MARCHF3: variants seen among roughly 807,000 people sequenced by gnomAD.
MARCHF3 encodes the protein membrane associated ring-CH-type finger 3, also known as E3 ubiquitin-protein ligase MARCHF3.
In MARCHF3, 13 loss-of-function variants were observed where a neutral mutation model predicts 24.2. That is an observed-to-expected ratio of 0.54 (90% confidence interval 0.35 to 0.85). The LOEUF (loss-of-function observed/expected upper bound fraction) is 0.85, where lower values mean the gene tolerates loss of function less well. Among genes scored for constraint, MARCHF3 ranks in the 40% least tolerant of loss-of-function variants. MARCHF3 has a pLI of 0.01. For synonymous variants in MARCHF3, 144 were observed against 137.3 expected (o/e 1.05, Z -0.34); for missense variants, 276 against 325.0 (o/e 0.85, Z 1.16).
chr5:126,870,881 A>C (rs1752944373), intron 4 of MARCHF3, 90 bp from the exon 5 acceptor site: 1 of 1,503,766 alleles, frequency 6.6e-7, no homozygotes, highest in African/African-American at 1.4e-5. Flanking sequence ...CATTTGAAAG[A>C]GCTTCAAAGA....
intron 1 of MARCHF3, among the ~76,000 whole-genome samples, chr5:126,947,874 G>A (rs1750084300): frequency 6.6e-6 from 1 of 152,016 alleles, no homozygotes; most frequent in South Asian, 2.1e-4. Context: ...CTCCCACGTG[G>A]GTTTGGGAGG....
chr5:126,870,617 AC>A lies in MARCHF3; in HGVS notation c.*15del. On this transcript the variant is annotated 3_prime_UTR_variant, in exon 5 of 5. Coordinates refer to ENST00000308660, the MANE Select transcript of MARCHF3 (RefSeq NM_178450.5). ...CCCCAAACAATGAATCAAACAACCA[AC>A]CAACCATACAAACATCAAACAACTG... 6.2e-7 allele frequency: 1 copy of A among 1,613,266 alleles called. No homozygotes were observed. Among genetic ancestry groups the A allele is most frequent in the Non-Finnish European group, 8.5e-7 (1 of 1,179,420 alleles).
At chr5:126,917,894 A>G in intron 2 of MARCHF3, 90 bp downstream of exon 2, 1 of 1,324,438 alleles carries the variant, frequency 7.6e-7, no homozygotes, top group Admixed American at 2.3e-5. Context: ...CAAAGACCTG[A>G]GCACTAATTA....
In MARCHF3 at chr5:126,925,675, C is replaced by T. The variant is rs73783497; in HGVS notation, c.-56-7448G>A. ...GTAAATAACAACTGGCTCCTACACACGGAGCCCCACTGAGCTGAGGGAGGG... is the reference window on the plus strand; with the variant it reads ...GTAAATAACAACTGGCTCCTACACATGGAGCCCCACTGAGCTGAGGGAGGG... On this transcript the variant is annotated intron_variant, in intron 1 of 4. Coordinates refer to ENST00000308660, the MANE Select transcript of MARCHF3 (RefSeq NM_178450.5). 2.4e-3 allele frequency among the ~76,000 whole-genome samples: 362 copies of T among 152,292 alleles called. 3 individuals are homozygous for T. The highest frequency in any genetic ancestry group is 8.4e-3 in the African/African-American group (350 of 41,558).
intron 3 of MARCHF3, among the ~76,000 whole-genome samples, chr5:126,908,160 C>T (rs1311305902): frequency 6.6e-6 from 1 of 152,218 alleles, no homozygotes; most frequent in Non-Finnish European, 1.5e-5. Context: ...CCACCCTCTT[C>T]TGGCTTGTAG....
At chr5:126,990,148 AC>A (rs1266231242) in intron 1 of MARCHF3, among the ~76,000 whole-genome samples, 1 of 145,390 alleles carries the variant, frequency 6.9e-6, no homozygotes, top group Non-Finnish European at 1.5e-5. Context: ...TTCAAACTAT[AC>A]TACAAGGCTA....
At chr5:126,942,873 G>C (rs1749880451) in intron 1 of MARCHF3, among the ~76,000 whole-genome samples, 1 of 152,180 alleles carries the variant, frequency 6.6e-6, no homozygotes, top group Non-Finnish European at 1.5e-5. Flanking sequence ...TATCACTACT[G>C]TATTAACAGC....
At chr5:127,004,586 C>T (rs1025977647) in intron 1 of MARCHF3, among the ~76,000 whole-genome samples, 1 of 151,994 alleles carries the variant, frequency 6.6e-6, no homozygotes, top group Non-Finnish European at 1.5e-5. Context: ...TTTATTATTC[C>T]CTGTTTTCTT....
rs191662638 is a variant in MARCHF3 at position 126,990,644 on chromosome 5, T to C, written c.-57+39706A>G. ...AATGGGAGAAAATTTTTGCAATCTATCCATCTGACAAAGGGCTAATATCCA... is the reference window on the plus strand; with the variant it reads ...AATGGGAGAAAATTTTTGCAATCTACCCATCTGACAAAGGGCTAATATCCA... On this transcript the variant is annotated intron_variant, in intron 1 of 4. Transcript: ENST00000308660. Among the ~76,000 whole-genome samples the C allele has an allele frequency of 3.3e-5, 5 of 152,180 alleles. No individual in the cohort carries two copies. In the East Asian group the frequency reaches 5.8e-4, roughly 18 times the overall value.
intron 1 of MARCHF3, among the ~76,000 whole-genome samples, chr5:127,008,868 A>C (rs1027552960): frequency 1.6e-4 from 24 of 149,170 alleles, no homozygotes; most frequent in Non-Finnish European, 4.5e-5. Flanking sequence ...AGGAGACGTT[A>C]TCTCTTTAAA....
At chr5:126,961,431 C>A (rs902064585) in intron 1 of MARCHF3, among the ~76,000 whole-genome samples, 1 of 152,060 alleles carries the variant, frequency 6.6e-6, no homozygotes, top group Admixed American at 6.6e-5. Context: ...CAGAAGCAAC[C>A]ACCATAAGGC....
chr5:126,933,646 G>C (rs972760401), intron 1 of MARCHF3, among the ~76,000 whole-genome samples: 1 of 151,938 alleles, frequency 6.6e-6, no homozygotes, highest in African/African-American at 2.4e-5. Flanking sequence ...GGGTTTCACC[G>C]TGTTAGCCAG....
intron 1 of MARCHF3, among the ~76,000 whole-genome samples, chr5:127,028,987 G>A (rs934979667): frequency 1.4e-4 from 21 of 152,202 alleles, no homozygotes; most frequent in African/African-American, 5.1e-4. Flanking sequence ...GCGGCTGCTG[G>A]GCTGTAAAAC....
intron 3 of MARCHF3, among the ~76,000 whole-genome samples, chr5:126,885,341 G>T (rs1753474691): frequency 6.6e-6 from 1 of 152,190 alleles, no homozygotes; most frequent in African/African-American, 2.4e-5. Flanking sequence ...GCTGAGGCAG[G>T]TGGATCGTCT....
chr5:126,901,003 GACC>G (rs1754086970), intron 3 of MARCHF3, among the ~76,000 whole-genome samples: 1 of 152,026 alleles, frequency 6.6e-6, no homozygotes, highest in African/African-American at 2.4e-5. Context: ...ACCGTGCCTG[GACC>G]ACCTGCATTA....
chr5:126,938,227 GC>G (rs1401178529), intron 1 of MARCHF3, among the ~76,000 whole-genome samples: 1 of 149,038 alleles, frequency 6.7e-6, no homozygotes, highest in Non-Finnish European at 1.5e-5. Flanking sequence ...GGGTACAGAG[GC>G]TCAATCTTGG....
chr5:126,995,994 AG>A (rs1226477414), intron 1 of MARCHF3, among the ~76,000 whole-genome samples: 7 of 152,214 alleles, frequency 4.6e-5, no homozygotes, highest in African/African-American at 1.4e-4. Context: ...GATGAATAAG[AG>A]GTGAGACTCC....
intron 1 of MARCHF3, among the ~76,000 whole-genome samples, chr5:127,023,203 C>T (rs1752868755): frequency 6.6e-6 from 1 of 152,124 alleles, no homozygotes; most frequent in Non-Finnish European, 1.5e-5. Flanking sequence ...GCAGGACATC[C>T]ATATATAATG....
chr5:126,994,330 AG>A (rs1751874642), intron 1 of MARCHF3, among the ~76,000 whole-genome samples: 1 of 152,216 alleles, frequency 6.6e-6, no homozygotes, highest in South Asian at 2.1e-4. Context: ...ACAGGTAAGT[AG>A]TGGCCAGAGG....
Sources: gnomAD v4.1 joint callset for allele counts (sites outside exome capture counted in the v4.1 genomes callset) on GRCh38, gnomAD v4.1.1 for gene constraint, MANE v1.5 for transcripts, NCBI Gene and HGNC (gene_info 2026-07-23, HGNC 2026-07-21) for gene names.